The following AGPAT3 variants were observed in gnomAD, a reference collection of about 807,000 sequenced individuals.
AGPAT3 encodes the protein 1-acyl-sn-glycerol-3-phosphate acyltransferase gamma.
In AGPAT3, 5 loss-of-function variants were observed where a neutral mutation model predicts 47.3. The observed-to-expected ratio is 0.11, with a 90% confidence interval of 0.06 to 0.22. AGPAT3 has a LOEUF of 0.22. AGPAT3 is among the 10% of genes least tolerant of loss of function. AGPAT3 has a pLI of 1.00. For synonymous variants in AGPAT3, 212 were observed against 208.3 expected (o/e 1.02, Z -0.15); for missense variants, 315 against 493.0 (o/e 0.64, Z 3.42).
chr21:43,890,286 C>T (rs1379803730), intron 1 of AGPAT3, among the ~76,000 whole-genome samples: 1 of 152,180 alleles, frequency 6.6e-6, no homozygotes, highest in Non-Finnish European at 1.5e-5. Flanking sequence ...GTCTGCTTCC[C>T]GCTTTGCCTC....
chr21:43,917,636 G>A (rs922452912), intron 2 of AGPAT3, among the ~76,000 whole-genome samples: 3 of 152,100 alleles, frequency 2.0e-5, no homozygotes, highest in Admixed American at 1.3e-4. Context: ...TTTTGGAGCA[G>A]AAAGTGGGAA....
In AGPAT3 at chr21:43,970,993, T is replaced by C. The variant is rs1264789455; in HGVS notation, c.664+187T>C. Among the ~76,000 whole-genome samples the C allele has an allele frequency of 6.6e-6, 1 of 151,836 alleles. No individual in the cohort carries two copies. Among genetic ancestry groups the C allele is most frequent in the Non-Finnish European group, 1.5e-5 (1 of 68,002 alleles). On this transcript the variant is annotated intron_variant, in intron 6 of 9. Transcript: ENST00000291572. The surrounding 1 kb of genome is among the most constrained non-coding windows in gnomAD (Gnocchi z 5.8). ...GGTTTTGAGGTGATAAAATGCTAAT[T>C]CATGAGAAACAATTAAAATAATAAA...
At chr21:43,910,085 C>A (rs886753557) in intron 2 of AGPAT3, among the ~76,000 whole-genome samples, 3 of 152,196 alleles carry the variant, frequency 2.0e-5, no homozygotes, top group Non-Finnish European at 4.4e-5. Flanking sequence ...GCTGGGATCC[C>A]CCTGTTCGTG....
At chr21:43,903,442 C>T (rs62228752) in intron 1 of AGPAT3, among the ~76,000 whole-genome samples, 16,139 of 152,224 alleles carry the variant, frequency 0.11, 1,648 homozygotes, top group African/African-American at 0.27. Flanking sequence ...TGAGCAAACA[C>T]GGGCTTTTTC....
intron 2 of AGPAT3, among the ~76,000 whole-genome samples, chr21:43,918,095 T>C (rs1201618087): frequency 7.5e-6 from 1 of 133,756 alleles, no homozygotes; most frequent in Non-Finnish European, 1.6e-5. Flanking sequence ...TTGTGGGTGT[T>C]GTGTTGTGGG....
At chr21:43,969,016 G>C in intron 4 of AGPAT3, 102 bp from the exon 5 acceptor site, 1 of 1,308,138 alleles carries the variant, frequency 7.6e-7, no homozygotes, top group Middle Eastern at 2.5e-4. Flanking sequence ...GTGACTCCTA[G>C]AGCGACACCA....
intron 2 of AGPAT3, among the ~76,000 whole-genome samples, chr21:43,935,239 G>C (rs184279119): frequency 1.3e-5 from 2 of 152,394 alleles, no homozygotes; most frequent in East Asian, 3.9e-4. Context: ...CCGTGTGGTG[G>C]CCTTGCGTGG....
At chr21:43,921,390 A>G (rs2086887990) in intron 2 of AGPAT3, among the ~76,000 whole-genome samples, 1 of 152,070 alleles carries the variant, frequency 6.6e-6, no homozygotes, top group Non-Finnish European at 1.5e-5. Context: ...GATCAAACTC[A>G]AGGAGGGCAC....
At chr21:43,870,426 T>C (rs1257450103) in intron 1 of AGPAT3, among the ~76,000 whole-genome samples, 1 of 152,088 alleles carries the variant, frequency 6.6e-6, no homozygotes, top group Non-Finnish European at 1.5e-5. Flanking sequence ...TAGTGAATTA[T>C]TGGGTCCCCG....
intron 7 of AGPAT3, among the ~76,000 whole-genome samples, chr21:43,977,703 C>T (rs867426573): frequency 1.1e-4 from 16 of 152,018 alleles, no homozygotes; most frequent in African/African-American, 3.4e-4. Context: ...TGGTGAAACC[C>T]CGTCTCTACT....
Position 43,970,703 on chromosome 21 carries a change from T to A in AGPAT3, c.561T>A (p.Val187=). The A allele has an allele frequency of 6.2e-7, 1 of 1,613,920 alleles. No individual in the cohort carries two copies. The highest frequency in any genetic ancestry group is 8.5e-7 in the Non-Finnish European group (1 of 1,179,848). The part of the protein sequence containing the change: ...GTRFTETKHR[V]SMEVAAAKGL... Reference sequence around the variant, plus strand: ...GCTTCACGGAGACCAAGCACCGCGTTAGCATGGAGGTGGCGGCTGCTAAGG... The same window carrying A: ...GCTTCACGGAGACCAAGCACCGCGTAAGCATGGAGGTGGCGGCTGCTAAGG... The change falls in exon 6 of 10, where the codon GTT becomes GTA. Residue 187 remains valine, a synonymous_variant. Coordinates refer to ENST00000291572, the MANE Select transcript of AGPAT3 (RefSeq NM_020132.5). This position sits in a 1 kb window ranked among gnomAD's most constrained non-coding sequence, Gnocchi z 5.8.
chr21:43,979,208 G>A (rs2024001482), intron 8 of AGPAT3, among the ~76,000 whole-genome samples: 1 of 148,166 alleles, frequency 6.7e-6, no homozygotes, highest in Admixed American at 6.8e-5. Flanking sequence ...GCTGAGGCAG[G>A]AGAATCGCTT....
At chr21:43,873,311 C>T (rs1203554984) in intron 1 of AGPAT3, among the ~76,000 whole-genome samples, 3 of 152,168 alleles carry the variant, frequency 2.0e-5, no homozygotes, top group Non-Finnish European at 4.4e-5. Flanking sequence ...TGTGCGCCTC[C>T]GGAGGATAAC....
At chr21:43,869,330 G>A (rs1409008419) in intron 1 of AGPAT3, among the ~76,000 whole-genome samples, 1 of 152,198 alleles carries the variant, frequency 6.6e-6, no homozygotes, top group East Asian at 1.9e-4. Flanking sequence ...AGTCTAATTG[G>A]AGTGATTGAT....
In AGPAT3 at chr21:43,908,698, C is replaced by T. The variant is rs1601278397; in HGVS notation, c.-49+4679C>T. On this transcript the variant is annotated intron_variant, in intron 2 of 9. Coordinates refer to ENST00000291572, the MANE Select transcript of AGPAT3 (RefSeq NM_020132.5). The surrounding 1 kb of genome is among the most constrained non-coding windows in gnomAD (Gnocchi z 4.9). ...CAGCAGCTTCTAAAACCTTTGGGTTCTTTAAGAAAAGGCTAATTGCAGAGG... is the reference window on the plus strand; with the variant it reads ...CAGCAGCTTCTAAAACCTTTGGGTTTTTTAAGAAAAGGCTAATTGCAGAGG... Among the ~76,000 whole-genome samples the T allele has an allele frequency of 6.6e-6, 1 of 152,212 alleles. No individual in the cohort carries two copies. Among genetic ancestry groups the T allele is most frequent in the East Asian group, 1.9e-4 (1 of 5,190 alleles).
At chr21:43,873,002 C>T (rs149693016) in intron 1 of AGPAT3, among the ~76,000 whole-genome samples, 36 of 152,312 alleles carry the variant, frequency 2.4e-4, no homozygotes, top group African/African-American at 6.7e-4. Flanking sequence ...CCTGCCGGGA[C>T]GGCGAAACTT....
At chr21:43,906,967 G>A (rs976279519) in intron 2 of AGPAT3, among the ~76,000 whole-genome samples, 1 of 152,158 alleles carries the variant, frequency 6.6e-6, no homozygotes, top group Non-Finnish European at 1.5e-5. Context: ...TAGCTGCCCT[G>A]GCAGGAGGCA....
At chr21:43,912,577 A>T (rs1391861011) in intron 2 of AGPAT3, among the ~76,000 whole-genome samples, 2 of 152,244 alleles carry the variant, frequency 1.3e-5, no homozygotes, top group Non-Finnish European at 2.9e-5. Flanking sequence ...GCCCTGAGGA[A>T]CGGGGCCTCA....
At chr21:43,917,564 A>G (rs58565118) in intron 2 of AGPAT3, among the ~76,000 whole-genome samples, 45,428 of 152,084 alleles carry the variant, frequency 0.3, 7,875 homozygotes, top group Non-Finnish European at 0.39. Flanking sequence ...TCGGGTATAA[A>G]GAAAGTGACT....
Sources: allele counts gnomAD v4.1 joint callset (sites outside exome capture counted in the v4.1 genomes callset), GRCh38; gene constraint gnomAD v4.1.1; non-coding constraint Gnocchi (gnomAD v3.1); transcripts MANE v1.5; gene names NCBI Gene and HGNC (gene_info 2026-07-23, HGNC 2026-07-21).